Variants in KIF7 observed in about 807,000 individuals in gnomAD.
KIF7 encodes the protein kinesin-like protein KIF7.
In KIF7, 104 loss-of-function variants were observed where a neutral mutation model predicts 135.7. The ratio of observed to expected loss-of-function variants is 0.77; its 90% CI spans 0.65 to 0.90. The LOEUF (loss-of-function observed/expected upper bound fraction) is 0.90, where lower values mean the gene tolerates loss of function less well. Among genes scored for constraint, KIF7 ranks in the 40% least tolerant of loss-of-function variants. The pLI is 0.00. For synonymous variants in KIF7, 883 were observed against 809.4 expected, an observed-to-expected ratio of 1.09 and a Z score of -1.54; for missense variants, 2,005 against 1,839.1, an observed-to-expected ratio of 1.09 and a Z score of -1.65.
At chr15:89,644,137 G>A (rs1042512515) in intron 10 of KIF7, among the ~76,000 whole-genome samples, 9 of 152,064 alleles carry the variant, frequency 5.9e-5, no homozygotes, top group East Asian at 1.9e-4. Context: ...CATGGTACTC[G>A]TCTCATGTCT....
Position 89,621,347 on chromosome 15 carries a change from A to T in KIF7, c.181-3152T>A, listed in dbSNP as rs775948430. On this transcript the variant is annotated intron_variant and NMD_transcript_variant, in intron 1 of 2. Coordinates refer to the KIF7 transcript ENST00000558928. The stretch of plus-strand genomic sequence containing the variant: ...GCTGTTTTAATAGTATTGGAAGAAC[A>T]GGAATTGAGAAAGAATTAAATATTG... 9 of 1,569,486 alleles carry T rather than the reference A, an allele frequency of 5.7e-6. No homozygotes were observed. The African/African-American group carries it at 9.6e-5, about 17-fold the overall frequency.
At chr15:89,646,327 G>C (rs1364143073) in intron 7 of KIF7, among the ~76,000 whole-genome samples, 1 of 152,154 alleles carries the variant, frequency 6.6e-6, no homozygotes, top group Non-Finnish European at 1.5e-5. Flanking sequence ...CCCTGCCAGA[G>C]TGATGGGTGA....
the KIF7 span, among the ~76,000 whole-genome samples, chr15:89,661,854 T>G: frequency 1.3e-5 from 2 of 152,020 alleles, 1 homozygote; most frequent in South Asian, 4.1e-4. Flanking sequence ...CCTGAGTAGC[T>G]GGCAATTATT....
At chr15:89,618,382 G>C (rs1963369322) in intron 1 of KIF7, among the ~76,000 whole-genome samples, 1 of 152,198 alleles carries the variant, frequency 6.6e-6, no homozygotes, top group South Asian at 2.1e-4. Context: ...CTGCATAGAA[G>C]GTACTGAGAG....
intron 1 of KIF7, among the ~76,000 whole-genome samples, chr15:89,620,550 T>G (rs755475825): frequency 1.3e-5 from 2 of 152,134 alleles, no homozygotes; most frequent in Non-Finnish European, 2.9e-5. Flanking sequence ...AGTTCAGTTG[T>G]CTACATTTTC....
intron 1 of KIF7, among the ~76,000 whole-genome samples, chr15:89,655,074 C>G (rs1362561440): frequency 6.6e-6 from 1 of 152,154 alleles, no homozygotes; most frequent in African/African-American, 2.4e-5. Flanking sequence ...CTGGAGGCGG[C>G]GGGCGCGGGA....
intron 2 of KIF7, among the ~76,000 whole-genome samples, chr15:89,651,561 A>G (rs1375957124): frequency 6.6e-6 from 1 of 152,270 alleles, no homozygotes; most frequent in Non-Finnish European, 1.5e-5. Context: ...AAAATCAAAC[A>G]GGACACAAAA....
chr15:89,619,469 T>C (rs1436290753), intron 1 of KIF7, among the ~76,000 whole-genome samples: 1 of 152,104 alleles, frequency 6.6e-6, no homozygotes, highest in Non-Finnish European at 1.5e-5. Context: ...TGGCAGTAAA[T>C]AAGACTTCTG....
chr15:89,646,102 C>G lies in KIF7; in HGVS notation c.1789-76G>C, dbSNP rs183507858. On this transcript the variant is annotated intron_variant, in intron 7 of 18. Transcript: ENST00000394412. ...CCCACCTTGCCTGCCCTCCTCATAT[C>G]TCTCCCTCCTCAAGCCCTGCCTTAC... 7.2e-5 allele frequency: 112 copies of G among 1,562,726 alleles called. 1 individual carries two copies. In the East Asian group the frequency reaches 2.2e-3, roughly 31 times the overall value.
At chr15:89,624,778 G>A (rs767557782), downstream of KIF7, 7 of 1,614,166 alleles carry the variant, frequency 4.3e-6, no homozygotes, top group East Asian at 4.5e-5. Flanking sequence ...AGAGGGTGAG[G>A]GGCTAAGGAC....
chr15:89,645,854 G>A (rs1339530079), intron 8 of KIF7, 39 bp downstream of exon 8: 1 of 1,607,960 alleles, frequency 6.2e-7, no homozygotes, highest in Admixed American at 1.7e-5. Context: ...TGGGCCCTGA[G>A]CAGGTCCTTG....
At chr15:89,657,692 G>T (rs1964221855), upstream of KIF7, among the ~76,000 whole-genome samples, 1 of 152,178 alleles carries the variant, frequency 6.6e-6, no homozygotes, top group African/African-American at 2.4e-5. Flanking sequence ...GGCCTGAAAT[G>T]ACAAAAGCCC....
At chr15:89,634,587 G>A (rs894134653) in intron 11 of KIF7, among the ~76,000 whole-genome samples, 1 of 152,222 alleles carries the variant, frequency 6.6e-6, no homozygotes, top group Admixed American at 6.5e-5. Flanking sequence ...GGAAAATCGG[G>A]TCACTCCCAC....
chr15:89,624,553 G>C, downstream of KIF7: 1 of 1,613,764 alleles, frequency 6.2e-7, no homozygotes, highest in South Asian at 1.1e-5. Flanking sequence ...TGACAGCCCA[G>C]CTGCCCCCAC....
rs1309467371 is a variant in KIF7 at position 89,648,296 on chromosome 15, A to T, written c.1402T>A (p.Ser468Thr). The change falls in exon 5 of 19, where the codon TCC (serine) becomes ACC (threonine). Residue 468 changes from serine (S) to threonine (T), a missense_variant. Coordinates refer to ENST00000394412, the MANE Select transcript of KIF7 (RefSeq NM_198525.3). ...CCCTGCGCCGCCTGGTCCTCGACGGAGGCGCTCTCGATGCCGCTATCGGGC... is the reference window on the plus strand; with the variant it reads ...CCCTGCGCCGCCTGGTCCTCGACGGTGGCGCTCTCGATGCCGCTATCGGGC... Reference protein sequence around the residue: ...SGPDSGIESASVEDQAAQGAG... With the variant: ...SGPDSGIESATVEDQAAQGAG... 1.3e-6 allele frequency: 2 copies of T among 1,519,522 alleles called. No individual in the cohort carries two copies. Among genetic ancestry groups the T allele is most frequent in the Admixed American group, 2.0e-5 (1 of 50,208 alleles). The allele number at this position is 1,519,522 out of a possible 1,614,324, so 94.1% of individuals were successfully genotyped here.
At chr15:89,632,717 G>C in intron 14 of KIF7, 103 bp downstream of exon 14, 1 of 1,284,578 alleles carries the variant, frequency 7.8e-7, no homozygotes, top group Admixed American at 2.0e-5. Flanking sequence ...GACCTCACCT[G>C]GCAGAAACTT....
chr15:89,623,914 C>T (rs1567052785), downstream of KIF7: 1 of 1,614,076 alleles, frequency 6.2e-7, no homozygotes, highest in Non-Finnish European at 8.5e-7. Context: ...GCAAGGTACT[C>T]AGCCGCCTGG....
chr15:89,640,933 G>A (rs981439558), intron 11 of KIF7, among the ~76,000 whole-genome samples: 15 of 152,022 alleles, frequency 9.9e-5, no homozygotes, highest in African/African-American at 3.6e-4. Flanking sequence ...AACCCAGGAG[G>A]CGGAGGTTGC....
intron 9 of KIF7, 53 bp from the exon 10 acceptor site, chr15:89,645,218 A>G: frequency 6.2e-7 from 1 of 1,605,208 alleles, no homozygotes; most frequent in South Asian, 1.1e-5. Flanking sequence ...TGGGGGAGAC[A>G]GAGGAGTGGA....
Sources: allele counts gnomAD v4.1 joint callset (sites outside exome capture counted in the v4.1 genomes callset), GRCh38; gene constraint gnomAD v4.1.1; transcripts MANE v1.5; gene names NCBI Gene and HGNC (gene_info 2026-07-23, HGNC 2026-07-21).